The following DNAH17 variants were observed in gnomAD, a reference collection of about 807,000 sequenced individuals.
DNAH17 encodes the protein dynein axonemal heavy chain 17.
A neutral mutation model predicts 485.6 loss-of-function variants in DNAH17; 376 were observed. The ratio of observed to expected loss-of-function variants is 0.77; its 90% CI spans 0.71 to 0.84. DNAH17 has a LOEUF of 0.84. Among genes scored for constraint, DNAH17 ranks in the 40% least tolerant of loss-of-function variants. The pLI is 0.00. For missense variants in DNAH17, 6,370 were observed against 5,839.3 expected (o/e 1.09, Z -2.96); for synonymous variants, 3,031 against 2,405.9 (o/e 1.26, Z -7.60).
At chr17:78,518,084 G>A (rs942518447) in intron 25 of DNAH17, among the ~76,000 whole-genome samples, 2 of 152,074 alleles carry the variant, frequency 1.3e-5, no homozygotes, top group African/African-American at 2.4e-5. Flanking sequence ...AGAGTCAGAG[G>A]AATAAGAAAC....
chr17:78,537,011 TA>T (rs199913225), intron 19 of DNAH17, among the ~76,000 whole-genome samples: 15 of 149,802 alleles, frequency 1.0e-4, no homozygotes, highest in African/African-American at 2.7e-4. Flanking sequence ...CAGTCTCTAC[TA>T]AAAAAAAATA....
At chr17:78,545,282 G>A (rs1035404947) in intron 16 of DNAH17, among the ~76,000 whole-genome samples, 6 of 152,066 alleles carry the variant, frequency 3.9e-5, no homozygotes, top group African/African-American at 1.4e-4. Flanking sequence ...TTTTTTATTA[G>A]CAGTTTTATT....
At position 78,548,770 on chromosome 17, in the gene DNAH17, T is replaced by C. The variant is rs774778953; in HGVS notation, c.2391+2765A>G. On this transcript the variant is annotated intron_variant, in intron 16 of 80. Transcript: ENST00000389840. ...CCATTTTCTTTTCCTATTGCTTGGT[T>C]TTCTCACTAAGCTGGGGAGCTAGAT... 8.5e-5 allele frequency among the ~76,000 whole-genome samples: 13 copies of C among 152,376 alleles called. No individual in the cohort carries two copies. In the Middle Eastern group the frequency reaches 0.031, roughly 359 times the overall value.
At chr17:78,550,946 C>A (rs148062351) in intron 16 of DNAH17, among the ~76,000 whole-genome samples, 200 of 152,246 alleles carry the variant, frequency 1.3e-3, no homozygotes, top group Middle Eastern at 3.4e-3. Flanking sequence ...GAGCCAGATG[C>A]GGTGGCTCAC....
chr17:78,461,704 T>A lies in DNAH17; in HGVS notation c.9179A>T (p.Asp3060Val). Reference sequence around the variant, plus strand: ...AATCGCCAACTTGGCTTTCAAATCATCCACCTGGGGAAGGAGAAACCGAGA... The same window carrying A: ...AATCGCCAACTTGGCTTTCAAATCAACCACCTGGGGAAGGAGAAACCGAGA... ...MKLQSTASQV[D>V]DLKAKLAIQE... is the part of the protein sequence containing the mutation. Residue 3060 changes from aspartate to valine, a missense_variant, in exon 58 of 81, where the codon GAT becomes GTT. Physicochemically the swap from Asp to Val is radical, Grantham distance 152. Coordinates refer to ENST00000389840, the MANE Select transcript of DNAH17 (RefSeq NM_173628.4). 6.2e-7 allele frequency: 1 copy of A among 1,609,558 alleles called. No homozygotes were observed. The highest frequency in any genetic ancestry group is 1.7e-4 in the Middle Eastern group (1 of 6,042).
At chr17:78,530,604 C>T (rs1331813390) in intron 20 of DNAH17, 92 bp from the exon 21 acceptor site, 4 of 1,382,812 alleles carry the variant, frequency 2.9e-6, no homozygotes, top group Non-Finnish European at 2.9e-6. Context: ...TCCTGCACTG[C>T]ACCTGCGCTG....
At position 78,484,852 on chromosome 17, in the gene DNAH17, C is replaced by T. The variant is rs1430337505; in HGVS notation, c.7649+16G>A. ...CCCGGGGCCACGCCTTCCCCTCCGGCCCCGCCCCGTCTAACCAGTGCCGGT... is the reference window on the plus strand; with the variant it reads ...CCCGGGGCCACGCCTTCCCCTCCGGTCCCGCCCCGTCTAACCAGTGCCGGT... On this transcript the variant is annotated intron_variant, in intron 48 of 80. Transcript: ENST00000389840. 6 of 1,529,476 alleles carry T rather than the reference C, an allele frequency of 3.9e-6. No homozygotes were observed. Among genetic ancestry groups the T allele is most frequent in the Non-Finnish European group, 5.3e-6 (6 of 1,136,786 alleles). 94.7% of individuals were successfully genotyped at this position (1,529,476 alleles called of 1,614,324 possible).
chr17:78,506,981 G>C (rs2069633769), intron 29 of DNAH17, 135 bp from the exon 30 acceptor site: 3 of 1,323,346 alleles, frequency 2.3e-6, no homozygotes, highest in Admixed American at 4.3e-5. Context: ...GTTTAATTCA[G>C]AATCTCCTAC....
At chr17:78,455,515 TG>T in intron 63 of DNAH17, 128 bp downstream of exon 63, 1 of 648,010 alleles carries the variant, frequency 1.5e-6, no homozygotes, top group Non-Finnish European at 2.4e-6. Flanking sequence ...TTAATAGAGA[TG>T]GGGTTTCACC....
At chr17:78,456,805 C>T (rs1267486007) in intron 62 of DNAH17, among the ~76,000 whole-genome samples, 1 of 152,154 alleles carries the variant, frequency 6.6e-6, no homozygotes, top group Non-Finnish European at 1.5e-5. Context: ...ATCCCTCATA[C>T]CCGGGGCACC....
At chr17:78,494,011 A>G (rs1231609850) in intron 41 of DNAH17, 25 bp downstream of exon 41, 4 of 1,603,828 alleles carry the variant, frequency 2.5e-6, no homozygotes, top group Non-Finnish European at 1.7e-6. Context: ...GGATCCCTGC[A>G]AGGTCCCTGG....
intron 14 of DNAH17, among the ~76,000 whole-genome samples, chr17:78,555,347 G>T (rs536378540): frequency 1.8e-4 from 27 of 152,148 alleles, no homozygotes; most frequent in Non-Finnish European, 3.1e-4. Context: ...CCTCTTTAGT[G>T]TGCTCGTGAC....
chr17:78,534,511 G>A (rs905640273), intron 19 of DNAH17, among the ~76,000 whole-genome samples: 10 of 152,316 alleles, frequency 6.6e-5, no homozygotes, highest in South Asian at 6.2e-4. Flanking sequence ...CCATGGGCTC[G>A]CCTGTGCCTG....
Position 78,468,606 on chromosome 17 carries a change from G to A in DNAH17, c.8778+11C>T, listed in dbSNP as rs377622667. 3.4e-5 allele frequency: 55 copies of A among 1,608,952 alleles called. No individual in the cohort carries two copies. Among genetic ancestry groups the A allele is most frequent in the South Asian group, 4.4e-5 (4 of 90,414 alleles). On this transcript the variant is annotated intron_variant, in intron 55 of 80. Transcript: ENST00000389840. The stretch of plus-strand genomic sequence containing the variant: ...GGGCTCTTGAGGCCCTGCCGAAGAC[G>A]GGAGCCCCACCTTGAGCTGTCTGCG...
chr17:78,572,778 G>A lies in DNAH17; in HGVS notation c.462C>T (p.Gly154=), dbSNP rs754014909. 13 of 1,613,520 alleles carry A rather than the reference G, an allele frequency of 8.1e-6. No homozygotes were observed. In the Admixed American group the frequency reaches 1.8e-4, roughly 23 times the overall value. The change falls in exon 3 of 81, where the codon GGC becomes GGT. Residue 154 remains glycine, a synonymous_variant. Coordinates refer to ENST00000389840, the MANE Select transcript of DNAH17 (RefSeq NM_173628.4). ...GCAGCAAGGTTTTGCCTTTGATCTTGCCACTCATCACAAACATTTCATTCT... is the reference window on the plus strand; with the variant it reads ...GCAGCAAGGTTTTGCCTTTGATCTTACCACTCATCACAAACATTTCATTCT... ...RLKNEMFVMS[G]KIKGKTLLPI...
chr17:78,477,612 C>T (rs2089093464), intron 51 of DNAH17, among the ~76,000 whole-genome samples: 1 of 152,070 alleles, frequency 6.6e-6, no homozygotes, highest in Non-Finnish European at 1.5e-5. Flanking sequence ...CTCCTGACCT[C>T]GTGATCTGCC....
intron 54 of DNAH17, among the ~76,000 whole-genome samples, chr17:78,472,308 G>A (rs561695452): frequency 6.1e-5 from 9 of 148,486 alleles, no homozygotes; most frequent in South Asian, 4.2e-4. Flanking sequence ...GTGGGGGTGC[G>A]AGGGTTAGGG....
chr17:78,573,867 T>C (rs1430169276), intron 2 of DNAH17, among the ~76,000 whole-genome samples: 1 of 152,014 alleles, frequency 6.6e-6, no homozygotes, highest in African/African-American at 2.4e-5. Context: ...GTACTGCAGA[T>C]GAGAAGAGTG....
chr17:78,433,202 G>A (rs866856262), intron 75 of DNAH17, among the ~76,000 whole-genome samples: 1 of 152,230 alleles, frequency 6.6e-6, no homozygotes, highest in African/African-American at 2.4e-5. Context: ...GCCAGGCTTA[G>A]CCTGAGTCAA....
Sources: allele counts gnomAD v4.1 joint callset (sites outside exome capture counted in the v4.1 genomes callset), GRCh38; gene constraint gnomAD v4.1.1; transcripts MANE v1.5; gene names NCBI Gene and HGNC (gene_info 2026-07-23, HGNC 2026-07-21).